The following VAV3 variants were observed in gnomAD, a reference collection of about 807,000 sequenced individuals.
VAV3 encodes the protein vav guanine nucleotide exchange factor 3, also known as guanine nucleotide exchange factor VAV3.
VAV3 carries 94 observed loss-of-function variants against 131.2 expected under a neutral mutation model. The observed-to-expected ratio is 0.72, with a 90% confidence interval of 0.61 to 0.85. The LOEUF is 0.85. Ranked by LOEUF, VAV3 falls within the 40% of genes least tolerant of loss-of-function variation. The pLI, the probability that VAV3 is intolerant of heterozygous loss-of-function variation, is 0.00. For missense variants in VAV3, 939 were observed against 1,002.7 expected (o/e 0.94, Z 0.86); for synonymous variants, 349 against 342.0 (o/e 1.02, Z -0.22).
intron 1 of VAV3, among the ~76,000 whole-genome samples, chr1:107,888,490 C>T (rs1309090890): frequency 6.6e-6 from 1 of 152,138 alleles, no homozygotes; most frequent in East Asian, 1.9e-4. Context: ...TGGACTTTCT[C>T]TCTTGCTGCG....
At chr1:107,852,897 T>C (rs1016866169) in intron 2 of VAV3, among the ~76,000 whole-genome samples, 13 of 152,292 alleles carry the variant, frequency 8.5e-5, no homozygotes, top group Middle Eastern at 3.4e-3. Flanking sequence ...ATTCAAAGGA[T>C]AGGATCACCA....
intron 2 of VAV3, among the ~76,000 whole-genome samples, chr1:107,830,986 G>A (rs1382146650): frequency 6.6e-6 from 1 of 152,182 alleles, no homozygotes; most frequent in African/African-American, 2.4e-5. Context: ...CTCACTATAA[G>A]TAAAGCTCAG....
At chr1:107,755,383 G>T in intron 12 of VAV3, 44 bp downstream of exon 12, 1 of 1,364,646 alleles carries the variant, frequency 7.3e-7, no homozygotes, top group Non-Finnish European at 1.0e-6. Flanking sequence ...GAATGTCGTT[G>T]ATGTGGGGGT....
At chr1:107,937,270 A>C (rs1673769257) in intron 1 of VAV3, among the ~76,000 whole-genome samples, 1 of 152,194 alleles carries the variant, frequency 6.6e-6, no homozygotes, top group Non-Finnish European at 1.5e-5. Context: ...AGAGGCAAGG[A>C]TGAAACCCAC....
intron 2 of VAV3, among the ~76,000 whole-genome samples, chr1:107,816,638 A>G (rs981507869): frequency 6.6e-6 from 1 of 152,178 alleles, no homozygotes; most frequent in Admixed American, 6.5e-5. Flanking sequence ...TGACTCATTT[A>G]TTTTTGCTAG....
chr1:107,585,046 A>C (rs1017713809), intron 25 of VAV3, among the ~76,000 whole-genome samples: 3 of 152,216 alleles, frequency 2.0e-5, no homozygotes, highest in Non-Finnish European at 4.4e-5. Context: ...AATTATGTAG[A>C]GATATGGAAA....
At chr1:107,953,097 G>A (rs1674634146) in intron 1 of VAV3, among the ~76,000 whole-genome samples, 1 of 152,116 alleles carries the variant, frequency 6.6e-6, no homozygotes, top group African/African-American at 2.4e-5. Flanking sequence ...TCTATCCACT[G>A]AATTTGGCAG....
At position 107,779,449 on chromosome 1, in the gene VAV3, A is replaced by T. The variant is rs1187990718; in HGVS notation, c.365T>A (p.Leu122Ter). 1 of 1,590,822 alleles carries T rather than the reference A, an allele frequency of 6.3e-7. No homozygotes were observed. The highest frequency in any genetic ancestry group is 8.6e-7 in the Non-Finnish European group (1 of 1,168,376). The part of the protein sequence containing the change: ...LSRLSRTPIA[L>*]ATGIRPFPTE... Reference sequence around the variant, plus strand: ...CAGAGCTTACCTGATTCCTGTGGCCAATGCTATAGGTGTTCGAGAAAGTCG... The same window carrying T: ...CAGAGCTTACCTGATTCCTGTGGCCTATGCTATAGGTGTTCGAGAAAGTCG... The change falls in exon 3 of 27, where the codon TTG (leucine) becomes TAG (stop). Residue 122 changes from leucine to a stop codon, truncating the protein, a stop_gained. Coordinates refer to ENST00000370056, the MANE Select transcript of VAV3 (RefSeq NM_006113.5). LOFTEE classifies it high-confidence loss of function.
At chr1:107,795,709 G>A (rs750704354) in intron 2 of VAV3, among the ~76,000 whole-genome samples, 6 of 152,230 alleles carry the variant, frequency 3.9e-5, no homozygotes, top group African/African-American at 7.2e-5. Context: ...ATAAACATTT[G>A]CATAAGTCGT....
At chr1:107,601,331 T>C (rs1293800585) in intron 24 of VAV3, among the ~76,000 whole-genome samples, 1 of 152,204 alleles carries the variant, frequency 6.6e-6, no homozygotes, top group Non-Finnish European at 1.5e-5. Context: ...TTCTTATTTT[T>C]CTTTCAACTC....
intron 1 of VAV3, among the ~76,000 whole-genome samples, chr1:107,960,432 C>A (rs72985478): frequency 0.031 from 4,756 of 151,432 alleles, 243 homozygotes; most frequent in African/African-American, 0.11. Flanking sequence ...GGCCACTGCA[C>A]GCCAACTTGG....
At chr1:107,725,363 A>G (rs1369102830) in intron 15 of VAV3, among the ~76,000 whole-genome samples, 2 of 152,180 alleles carry the variant, frequency 1.3e-5, no homozygotes, top group Non-Finnish European at 2.9e-5. Context: ...CTGATCCTGA[A>G]TGGAGCTTTC....
At chr1:107,839,403 GTTAA>G (rs1266845671) in intron 2 of VAV3, among the ~76,000 whole-genome samples, 1 of 152,076 alleles carries the variant, frequency 6.6e-6, no homozygotes, top group Non-Finnish European at 1.5e-5. Context: ...CTAGATATCT[GTTAA>G]TTAAAGAACA....
chr1:107,672,863 T>C (rs748028912), intron 19 of VAV3, among the ~76,000 whole-genome samples: 5 of 152,200 alleles, frequency 3.3e-5, no homozygotes, highest in Admixed American at 6.5e-5. Context: ...TAATGACTTA[T>C]AGTGAAAAGA....
intron 6 of VAV3, among the ~76,000 whole-genome samples, chr1:107,769,569 T>A (rs1282357693): frequency 1.3e-5 from 2 of 152,262 alleles, no homozygotes; most frequent in African/African-American, 4.8e-5. Context: ...AGGGCCTTAA[T>A]GCCATTGTGT....
intron 19 of VAV3, among the ~76,000 whole-genome samples, chr1:107,678,963 C>A (rs1279820950): frequency 6.6e-6 from 1 of 151,962 alleles, no homozygotes; most frequent in Non-Finnish European, 1.5e-5. Flanking sequence ...TGCATTTATG[C>A]AATCAGAACT....
At chr1:107,919,228 T>C (rs1004749167) in intron 1 of VAV3, among the ~76,000 whole-genome samples, 5 of 152,250 alleles carry the variant, frequency 3.3e-5, no homozygotes, top group Admixed American at 6.5e-5. Flanking sequence ...AGAAATTTAA[T>C]ATAACTATTG....
In VAV3 at chr1:107,964,885, G is replaced by A. The variant is rs1449392758; in HGVS notation, c.-16C>T. 2.0e-6 allele frequency: 3 copies of A among 1,504,222 alleles called. No individual in the cohort carries two copies. Among genetic ancestry groups the A allele is most frequent in the Admixed American group, 3.9e-5 (2 of 50,706 alleles). The allele number at this position is 1,504,222 out of a possible 1,614,324, so 93.2% of individuals were successfully genotyped here. On this transcript the variant is annotated 5_prime_UTR_variant, in exon 1 of 27. Transcript: ENST00000370056. ...ACGGCTCCATGCCCGACGGCTCCGG[G>A]ACGCGGCTGGGCCGGGGCGGGCGGC...
intron 15 of VAV3, among the ~76,000 whole-genome samples, chr1:107,737,440 T>G (rs983971179): frequency 8.6e-5 from 13 of 152,046 alleles, no homozygotes; most frequent in African/African-American, 2.4e-4. Flanking sequence ...GGAAGAAAAT[T>G]TTTGCAATCT....
Sources: gnomAD v4.1 joint callset for allele counts (sites outside exome capture counted in the v4.1 genomes callset) on GRCh38, gnomAD v4.1.1 for gene constraint, MANE v1.5 for transcripts, NCBI Gene and HGNC (gene_info 2026-07-23, HGNC 2026-07-21) for gene names.